ZC3H13: variants seen among roughly 807,000 people sequenced by gnomAD.
ZC3H13 encodes zinc finger CCCH-type containing 13.
ZC3H13 carries 64 observed loss-of-function variants against 204.1 expected under a neutral mutation model. The observed-to-expected ratio is 0.31, with a 90% CI of 0.26 to 0.39. ZC3H13 has a LOEUF of 0.39. Ranked by LOEUF, ZC3H13 falls within the 10% of genes least tolerant of loss-of-function variation. ZC3H13 has a pLI of 1.00. For synonymous variants in ZC3H13, 667 were observed against 693.7 expected (o/e 0.96, Z 0.60); for missense variants, 1,833 against 2,082.7 (o/e 0.88, Z 2.33).
At chr13:46,042,421 C>G in intron 3 of ZC3H13, 146 bp from the exon 4 acceptor site, 1 of 513,280 alleles carries the variant, frequency 1.9e-6, no homozygotes, top group Non-Finnish European at 3.3e-6. Flanking sequence ...ACCTTGACTC[C>G]TGAATTTCTG....
rs766914315 is a variant in ZC3H13, at chr13:46,052,704, G to T, written c.-310C>A. The T allele has an allele frequency of 1.0e-5, 4 of 398,434 alleles. No individual in the cohort carries two copies. Among genetic ancestry groups the T allele is most frequent in the Non-Finnish European group, 1.8e-5 (4 of 226,076 alleles). The allele number at this position is 398,434 out of a possible 1,614,324, so 24.7% of individuals were successfully genotyped here. On this transcript the variant is annotated 5_prime_UTR_variant, in exon 1 of 19. Transcript: ENST00000679008. ...AAGGCAACAAAAACACTACCAGGCC[G>T]CTAGGAGGACCGCCTCAAAATGCCG...
chr13:46,003,828 C>T (rs1010130657), intron 7 of ZC3H13, among the ~76,000 whole-genome samples: 5 of 151,896 alleles, frequency 3.3e-5, no homozygotes, highest in Admixed American at 1.3e-4. Context: ...TTACATTGCA[C>T]CAGATCAAAA....
rs984149090 is a variant in ZC3H13 at position 45,954,672 on chromosome 13, T to G, written c.*2455A>C. ...TGAGGTGTAAAAGCATCACCAACAA[T>G]AGTATGTACCTTAATCTTTACACAA... On this transcript the variant is annotated 3_prime_UTR_variant, in exon 19 of 19. Coordinates refer to ENST00000679008, the MANE Select transcript of ZC3H13 (RefSeq NM_001330564.2). 2.6e-5 allele frequency: 4 copies of G among 152,178 alleles called. No individual in the cohort carries two copies. The highest frequency in any genetic ancestry group is 9.6e-5 in the African/African-American group (4 of 41,456). 9.4% of individuals were successfully genotyped at this position (152,178 alleles called of 1,614,324 possible).
At chr13:45,984,022 T>C (rs945588657) in intron 10 of ZC3H13, among the ~76,000 whole-genome samples, 4 of 152,194 alleles carry the variant, frequency 2.6e-5, no homozygotes, top group African/African-American at 4.8e-5. Flanking sequence ...GAGATAAAGA[T>C]TGGAAAACCA....
At chr13:45,980,884 C>A (rs1953524715) in intron 10 of ZC3H13, among the ~76,000 whole-genome samples, 1 of 152,084 alleles carries the variant, frequency 6.6e-6, no homozygotes, top group Non-Finnish European at 1.5e-5. Flanking sequence ...CAGACATACA[C>A]CCAAGTGCAT....
At chr13:46,009,974 A>C (rs1021446977) in intron 7 of ZC3H13, among the ~76,000 whole-genome samples, 1 of 152,160 alleles carries the variant, frequency 6.6e-6, no homozygotes, top group Non-Finnish European at 1.5e-5. Context: ...CAATGTGCAG[A>C]AGGTTATGAT....
chr13:46,003,269 C>A lies in ZC3H13; in HGVS notation c.814G>T (p.Glu272Ter), dbSNP rs1269211351. The A allele has an allele frequency of 6.2e-7, 1 of 1,612,900 alleles. No homozygotes were observed. The highest frequency in any genetic ancestry group is 1.3e-5 in the African/African-American group (1 of 74,744). Residue 272 changes from glutamate (E) to a stop codon, truncating the protein, a stop_gained, in exon 8 of 19, where the codon GAA becomes TAA. Transcript: ENST00000679008. LOFTEE classifies it high-confidence loss of function. The stretch of plus-strand genomic sequence containing the variant: ...TATTTTTTCCCCAGAGCGATATCTT[C>A]TGGTATAGGAGGGGGTGGACTAGGA... ...RTPSPPPPIP[E>*]DIALGKKYKE...
chr13:45,982,922 C>A (rs1439921523), intron 10 of ZC3H13, among the ~76,000 whole-genome samples: 1 of 152,108 alleles, frequency 6.6e-6, no homozygotes, highest in Non-Finnish European at 1.5e-5. Flanking sequence ...AGAAATAACT[C>A]AATTTACGTG....
Position 45,980,019 on chromosome 13 carries a change from GAC to G in ZC3H13, c.1721-17_1721-16del. ...GCCTCGACTTCCTAAACAAAGGATAGACACACAAATGTTTACCACATACACTT... is the reference window on the plus strand; with the variant it reads ...GCCTCGACTTCCTAAACAAAGGATAGACACAAATGTTTACCACATACACTT... On this transcript the variant is annotated splice_polypyrimidine_tract_variant and intron_variant, in intron 10 of 18. Transcript: ENST00000679008. 3.2e-6 allele frequency: 5 copies of G among 1,579,258 alleles called. No individual in the cohort carries two copies. Among genetic ancestry groups the G allele is most frequent in the African/African-American group, 1.4e-5 (1 of 73,022 alleles).
At chr13:46,050,849 T>C (rs73188488) in intron 1 of ZC3H13, among the ~76,000 whole-genome samples, 41,828 of 151,720 alleles carry the variant, frequency 0.28, 6,159 homozygotes, top group South Asian at 0.33. Context: ...AAACATCCCA[T>C]GCTGGTAGCT....
intron 10 of ZC3H13, among the ~76,000 whole-genome samples, chr13:45,980,535 T>C (rs1953479407): frequency 6.6e-6 from 1 of 152,168 alleles, no homozygotes; most frequent in Non-Finnish European, 1.5e-5. Context: ...TGTCTTTCAA[T>C]GGATGAACAG....
At chr13:46,029,791 A>C (rs9534287) in intron 4 of ZC3H13, among the ~76,000 whole-genome samples, 113,848 of 151,934 alleles carry the variant, frequency 0.75, 43,138 homozygotes, top group African/African-American at 0.85. Context: ...AAACCAGACA[A>C]AGACATTACA....
intron 4 of ZC3H13, among the ~76,000 whole-genome samples, chr13:46,038,987 A>C (rs1040566947): frequency 6.6e-6 from 1 of 152,058 alleles, no homozygotes; most frequent in African/African-American, 2.4e-5. Context: ...ATGCCATTCC[A>C]CTCCAGTCTG....
At chr13:45,984,194 T>G (rs1424275951) in intron 10 of ZC3H13, among the ~76,000 whole-genome samples, 1 of 152,236 alleles carries the variant, frequency 6.6e-6, no homozygotes, top group African/African-American at 2.4e-5. Flanking sequence ...TTTTTTCCAG[T>G]GTTTTTAAAA....
intron 18 of ZC3H13, among the ~76,000 whole-genome samples, chr13:45,958,141 C>T (rs1010689849): frequency 2.0e-5 from 3 of 152,118 alleles, no homozygotes; most frequent in Non-Finnish European, 2.9e-5. Context: ...ATCTCCTGTT[C>T]CTCGTATTTG....
At chr13:46,019,604 T>TGTA (rs1566299445) in intron 5 of ZC3H13, among the ~76,000 whole-genome samples, 8 of 152,278 alleles carry the variant, frequency 5.3e-5, no homozygotes, top group Non-Finnish European at 1.0e-4. Context: ...GACATTACAG[T>TGTA]GCCCATCTTT....
intron 8 of ZC3H13, among the ~76,000 whole-genome samples, 155 bp downstream of exon 8, chr13:46,002,981 CATA>C (rs1347508448): frequency 3.3e-5 from 5 of 151,970 alleles, no homozygotes; most frequent in East Asian, 3.8e-4. Context: ...ATCCATGACT[CATA>C]ATAATAATTA....
At chr13:45,979,718 A>G in intron 11 of ZC3H13, 95 bp downstream of exon 11, 1 of 1,232,884 alleles carries the variant, frequency 8.1e-7, no homozygotes, top group Middle Eastern at 2.1e-4. Context: ...GCCTTAAAGT[A>G]TATTTTATAT....
intron 7 of ZC3H13, among the ~76,000 whole-genome samples, chr13:46,009,193 G>T (rs778294537): frequency 4.6e-5 from 7 of 152,034 alleles, no homozygotes; most frequent in African/African-American, 1.2e-4. Flanking sequence ...GAGATAGAAG[G>T]GGGTAGATAG....
Sources: allele counts gnomAD v4.1 joint callset (sites outside exome capture counted in the v4.1 genomes callset), GRCh38; gene constraint gnomAD v4.1.1; transcripts MANE v1.5; gene names NCBI Gene and HGNC (gene_info 2026-07-23, HGNC 2026-07-21).